DGKB: variants seen among roughly 807,000 people sequenced by gnomAD.
DGKB encodes 90 kDa diacylglycerol kinase.
Under a neutral mutation model 114.3 loss-of-function variants are expected in DGKB, and 67 were observed. The observed-to-expected ratio is 0.59, with a 90% CI of 0.48 to 0.72. DGKB has a LOEUF of 0.72. DGKB is among the 30% of genes least tolerant of loss of function. The pLI is 0.00. For missense variants in DGKB, 907 were observed against 975.2 expected (o/e 0.93, Z 0.93); for synonymous variants, 398 against 323.1 (o/e 1.23, Z -2.49).
At chr7:14,314,141 T>C (rs1381052418) in intron 23 of DGKB, among the ~76,000 whole-genome samples, 1 of 151,920 alleles carries the variant, frequency 6.6e-6, no homozygotes, top group Non-Finnish European at 1.5e-5. Flanking sequence ...TACATCACCA[T>C]CATCAAAGAC....
In DGKB at chr7:14,841,183, T is replaced by C. The variant is rs754718921; in HGVS notation, c.70+11A>G. On this transcript the variant is annotated intron_variant, in intron 2 of 25. Coordinates refer to ENST00000402815, the MANE Select transcript of DGKB (RefSeq NM_001350709.2). ...GTCAAATAATCTCATAATATCAATA[T>C]GAATACTTACACTCAGCATATTTCT... 5 of 1,604,404 alleles carry C rather than the reference T, an allele frequency of 3.1e-6. No homozygotes were observed. In the South Asian group the frequency reaches 3.3e-5, roughly 11 times the overall value.
At chr7:14,854,545 G>A (rs1310883045) in intron 1 of DGKB, among the ~76,000 whole-genome samples, 1 of 152,190 alleles carries the variant, frequency 6.6e-6, no homozygotes, top group African/African-American at 2.4e-5. Flanking sequence ...ACATAACCTA[G>A]ATTCTTCACA....
intron 12 of DGKB, among the ~76,000 whole-genome samples, chr7:14,673,782 C>A (rs1196402604): frequency 6.6e-6 from 1 of 151,960 alleles, no homozygotes; most frequent in East Asian, 1.9e-4. Flanking sequence ...AAGAATTACA[C>A]AGATTTGGTA....
intron 20 of DGKB, among the ~76,000 whole-genome samples, chr7:14,543,925 T>C (rs1793884786): frequency 6.6e-6 from 1 of 152,214 alleles, no homozygotes; most frequent in East Asian, 1.9e-4. Flanking sequence ...AAATGAAGTA[T>C]ATAATGTGCA....
chr7:14,901,605 A>ACCCCCCCCCCCC (rs1300363624), intron 1 of DGKB, among the ~76,000 whole-genome samples: 3 of 123,090 alleles, frequency 2.4e-5, no homozygotes, highest in Non-Finnish European at 3.4e-5. Context: ...AGGGATTTCC[A>ACCCCCCCCCCCC]CCCCCCCCCA....
At chr7:14,151,259 T>C (rs1782156749) in intron 25 of DGKB, among the ~76,000 whole-genome samples, 1 of 152,024 alleles carries the variant, frequency 6.6e-6, no homozygotes, top group South Asian at 2.1e-4. Context: ...TTTGGGAAAT[T>C]AGATCATTAT....
intron 6 of DGKB, among the ~76,000 whole-genome samples, chr7:14,710,561 G>T (rs896759619): frequency 6.6e-6 from 1 of 152,014 alleles, no homozygotes; most frequent in African/African-American, 2.4e-5. Flanking sequence ...GGCCATTCTT[G>T]TCTTGTTCCC....
chr7:14,410,013 G>A (rs561383331), intron 21 of DGKB, among the ~76,000 whole-genome samples: 11 of 152,056 alleles, frequency 7.2e-5, no homozygotes, highest in African/African-American at 2.7e-4. Context: ...AGTTAAATTT[G>A]GGAGGGATTC....
At chr7:14,932,223 G>C (rs555078141) in intron 1 of DGKB, among the ~76,000 whole-genome samples, 1 of 152,080 alleles carries the variant, frequency 6.6e-6, no homozygotes, top group Non-Finnish European at 1.5e-5. Context: ...TCCTGTGGTG[G>C]GGATTTACTC....
At chr7:14,791,234 T>C (rs1586539689) in intron 2 of DGKB, among the ~76,000 whole-genome samples, 1 of 152,294 alleles carries the variant, frequency 6.6e-6, no homozygotes, top group East Asian at 1.9e-4. Context: ...AATTTCATTG[T>C]CAATATATAG....
At chr7:14,396,366 G>T (rs1822220444) in intron 21 of DGKB, among the ~76,000 whole-genome samples, 1 of 152,030 alleles carries the variant, frequency 6.6e-6, no homozygotes, top group Non-Finnish European at 1.5e-5. Flanking sequence ...CAAATAGTTT[G>T]GGCCATTCAT....
chr7:14,790,738 A>G (rs1448553600), intron 2 of DGKB, among the ~76,000 whole-genome samples: 1 of 152,174 alleles, frequency 6.6e-6, no homozygotes, highest in Non-Finnish European at 1.5e-5. Flanking sequence ...TTGGGTAGAC[A>G]AATTCCTCCC....
At chr7:14,799,014 T>C (rs913758382) in intron 2 of DGKB, among the ~76,000 whole-genome samples, 4 of 152,334 alleles carry the variant, frequency 2.6e-5, no homozygotes, top group African/African-American at 9.6e-5. Flanking sequence ...AGGGTGGCAA[T>C]TCCCACCATA....
chr7:14,242,826 C>G (rs1235973502), intron 23 of DGKB, among the ~76,000 whole-genome samples: 1 of 150,052 alleles, frequency 6.7e-6, no homozygotes, highest in African/African-American at 2.5e-5. Context: ...GTGTCGGCAG[C>G]AGTTAATGTA....
At chr7:14,402,239 C>G (rs1823240103) in intron 21 of DGKB, among the ~76,000 whole-genome samples, 1 of 151,746 alleles carries the variant, frequency 6.6e-6, no homozygotes, top group Admixed American at 6.6e-5. Context: ...CTTATCACAG[C>G]TTAGCTATTT....
At chr7:14,816,544 G>A (rs1189641540) in intron 2 of DGKB, 2 of 152,232 alleles carry the variant, frequency 1.3e-5, no homozygotes, top group Non-Finnish European at 2.9e-5. Context: ...AGTGAATAAA[G>A]AGCATGGATT....
chr7:14,193,858 C>T (rs1312868661), intron 23 of DGKB, among the ~76,000 whole-genome samples: 1 of 151,806 alleles, frequency 6.6e-6, no homozygotes, highest in Non-Finnish European at 1.5e-5. Flanking sequence ...AAAAAACCCC[C>T]AAATACCTCA....
At chr7:14,870,579 C>T (rs1056041770) in intron 1 of DGKB, among the ~76,000 whole-genome samples, 4 of 152,182 alleles carry the variant, frequency 2.6e-5, no homozygotes, top group Admixed American at 6.5e-5. Flanking sequence ...GGGCAGATCG[C>T]GACATCAGGC....
chr7:14,273,572 C>T (rs1454687615), intron 23 of DGKB, among the ~76,000 whole-genome samples: 1 of 152,100 alleles, frequency 6.6e-6, no homozygotes, highest in Non-Finnish European at 1.5e-5. Flanking sequence ...TGACACAAGG[C>T]AGAAGTGCTA....
Sources: gnomAD v4.1 joint callset for allele counts (sites outside exome capture counted in the v4.1 genomes callset) on GRCh38, gnomAD v4.1.1 for gene constraint, MANE v1.5 for transcripts, NCBI Gene and HGNC (gene_info 2026-07-23, HGNC 2026-07-21) for gene names.